DSCAML1: variants seen among roughly 807,000 people sequenced by gnomAD.
DSCAML1 encodes the protein cell adhesion molecule DSCAML1.
Under a neutral mutation model 200.5 loss-of-function variants are expected in DSCAML1, and 38 were observed. That is an observed-to-expected ratio of 0.19 (90% confidence interval 0.15 to 0.25). The LOEUF (loss-of-function observed/expected upper bound fraction) is 0.25. Among genes scored for constraint, DSCAML1 ranks in the 10% least tolerant of loss-of-function variants. The pLI is 1.00. For missense variants in DSCAML1, 2,223 were observed against 2,858.8 expected, an observed-to-expected ratio of 0.78 and a Z score of 5.07; for synonymous variants, 1,215 against 1,165.0, an observed-to-expected ratio of 1.04 and a Z score of -0.87.
chr11:117,812,336 T>C (rs1034012698), intron 1 of DSCAML1, among the ~76,000 whole-genome samples: 38 of 152,300 alleles, frequency 2.5e-4, no homozygotes, highest in African/African-American at 8.7e-4. Context: ...TTAAAGCCTA[T>C]AAACTCTCCT....
chr11:117,530,379 A>G (rs1436347590), intron 4 of DSCAML1, among the ~76,000 whole-genome samples: 1 of 152,136 alleles, frequency 6.6e-6, no homozygotes, highest in African/African-American at 2.4e-5. Flanking sequence ...ACATTGCAGG[A>G]TAAGCATGCA....
At chr11:117,636,727 C>T (rs180803125) in intron 3 of DSCAML1, among the ~76,000 whole-genome samples, 15 of 152,324 alleles carry the variant, frequency 9.8e-5, no homozygotes, top group East Asian at 1.9e-4. Context: ...AACTGTGTAA[C>T]CCTAGGCAAT....
chr11:117,553,809 C>G (rs2050510775), intron 3 of DSCAML1, among the ~76,000 whole-genome samples: 1 of 152,238 alleles, frequency 6.6e-6, no homozygotes, highest in Non-Finnish European at 1.5e-5. Flanking sequence ...TGGGTATACA[C>G]CCACAAGAAC....
intron 3 of DSCAML1, among the ~76,000 whole-genome samples, chr11:117,605,192 C>A (rs1385217759): frequency 6.6e-6 from 1 of 152,102 alleles, no homozygotes; most frequent in African/African-American, 2.4e-5. Flanking sequence ...CCATGCCCGG[C>A]TGCTCCCGGG....
intron 8 of DSCAML1, among the ~76,000 whole-genome samples, chr11:117,512,504 G>T (rs1262310563): frequency 6.6e-6 from 1 of 152,152 alleles, no homozygotes; most frequent in African/African-American, 2.4e-5. Context: ...GTGGGGGCAC[G>T]TCCCAGAGCC....
chr11:117,459,384 G>T (rs1426026683), intron 18 of DSCAML1, among the ~76,000 whole-genome samples: 2 of 152,352 alleles, frequency 1.3e-5, no homozygotes, highest in East Asian at 3.9e-4. Flanking sequence ...TTATCAACCT[G>T]GGGATGGTGT....
At chr11:117,515,103 G>A (rs1054887992) in intron 8 of DSCAML1, among the ~76,000 whole-genome samples, 14 of 152,222 alleles carry the variant, frequency 9.2e-5, no homozygotes, top group African/African-American at 3.4e-4. Context: ...GAGACCCCCA[G>A]ACCTCCCTTC....
At chr11:117,461,307 G>A (rs904043361) in intron 18 of DSCAML1, 143 bp downstream of exon 18, 1 of 1,160,664 alleles carries the variant, frequency 8.6e-7, no homozygotes, top group Non-Finnish European at 1.2e-6. Context: ...CGCCCCCCGT[G>A]GTCTCCCCGT....
chr11:117,711,339 C>T (rs948777), intron 3 of DSCAML1, among the ~76,000 whole-genome samples: 125,336 of 152,122 alleles, frequency 0.82, 53,873 homozygotes, highest in Non-Finnish European at 0.94. Flanking sequence ...CTCCCTGCTG[C>T]TCCCGTTTTA....
At chr11:117,674,839 G>T (rs571907066) in intron 3 of DSCAML1, among the ~76,000 whole-genome samples, 2 of 152,206 alleles carry the variant, frequency 1.3e-5, no homozygotes, top group East Asian at 3.9e-4. Context: ...TGACCTCTCT[G>T]AGTCTGTATT....
At chr11:117,436,377 G>C (rs529095140) in intron 26 of DSCAML1, among the ~76,000 whole-genome samples, 1 of 152,234 alleles carries the variant, frequency 6.6e-6, no homozygotes, top group South Asian at 2.1e-4. Context: ...CTTTGCTTAA[G>C]AGTCACCTCC....
chr11:117,610,842 C>A lies in DSCAML1; in HGVS notation c.512-78320G>T, dbSNP rs867769632. On this transcript the variant is annotated intron_variant, in intron 3 of 32. Coordinates refer to ENST00000651296, the MANE Select transcript of DSCAML1 (RefSeq NM_020693.4). ...AACCCCTAAACCAAACCAAAACAAC[C>A]CCCCCCCCCCACAATGTGTTCGTAG... Among the ~76,000 whole-genome samples, 52 of 34,564 alleles carry A rather than the reference C, an allele frequency of 1.5e-3. 1 individual carries two copies. The highest frequency in any genetic ancestry group is 3.3e-3 in the African/African-American group (36 of 11,070). 22.7% of individuals were successfully genotyped at this position (34,564 alleles called of 152,430 possible). A position where few individuals can be genotyped will look rare whatever the true frequency, so the allele number is the denominator to read the frequency against.
At chr11:117,585,043 G>A (rs953928659) in intron 3 of DSCAML1, among the ~76,000 whole-genome samples, 2 of 152,196 alleles carry the variant, frequency 1.3e-5, no homozygotes, top group Admixed American at 6.5e-5. Context: ...CTTTGCTACA[G>A]TCTGATTTTG....
chr11:117,485,791 C>T (rs954889081), intron 11 of DSCAML1, among the ~76,000 whole-genome samples: 1 of 152,222 alleles, frequency 6.6e-6, no homozygotes, highest in Non-Finnish European at 1.5e-5. Context: ...GGCCTGAAGA[C>T]AGACTGTGGT....
chr11:117,618,360 TA>T (rs1210751607), intron 3 of DSCAML1, among the ~76,000 whole-genome samples: 1 of 152,204 alleles, frequency 6.6e-6, no homozygotes, highest in Non-Finnish European at 1.5e-5. Flanking sequence ...TAATAGAGCT[TA>T]AATTTATTTC....
intron 3 of DSCAML1, among the ~76,000 whole-genome samples, chr11:117,692,534 T>C (rs2053515052): frequency 6.6e-6 from 1 of 152,156 alleles, no homozygotes; most frequent in South Asian, 2.1e-4. Flanking sequence ...GCTTGAATCA[T>C]GGGCTGAGAA....
rs2051139970 is a variant in DSCAML1, at chr11:117,586,284, G to T, written c.512-53762C>A. 2.2e-5 allele frequency among the ~76,000 whole-genome samples: 3 copies of T among 135,418 alleles called. No homozygotes were observed. In the South Asian group the frequency reaches 8.3e-4, roughly 37 times the overall value. 88.8% of individuals were successfully genotyped at this position (135,418 alleles called of 152,430 possible). A position where few individuals can be genotyped will look rare whatever the true frequency, so the allele number is the denominator to read the frequency against. On this transcript the variant is annotated intron_variant, in intron 3 of 32. Transcript: ENST00000651296. ...AGCCGTGAGCAATAGAACATGGCTTGCACTCTATGGGAGGGTGGGAGGGGA... is the reference window on the plus strand; with the variant it reads ...AGCCGTGAGCAATAGAACATGGCTTTCACTCTATGGGAGGGTGGGAGGGGA...
chr11:117,754,125 G>C (rs2054647009), intron 3 of DSCAML1, among the ~76,000 whole-genome samples: 1 of 152,172 alleles, frequency 6.6e-6, no homozygotes, highest in African/African-American at 2.4e-5. Context: ...GCCTGGAATG[G>C]GGAGGGGGGT....
At chr11:117,781,819 G>T (rs2055269469) in intron 1 of DSCAML1, among the ~76,000 whole-genome samples, 2 of 152,236 alleles carry the variant, frequency 1.3e-5, no homozygotes, top group Non-Finnish European at 2.9e-5. Context: ...ATGTTCTTAT[G>T]ATTACAGCTG....
Sources: gnomAD v4.1 joint callset for allele counts (sites outside exome capture counted in the v4.1 genomes callset) on GRCh38, gnomAD v4.1.1 for gene constraint, MANE v1.5 for transcripts, NCBI Gene and HGNC (gene_info 2026-07-23, HGNC 2026-07-21) for gene names.